DYM: variants seen among roughly 807,000 people sequenced by gnomAD.
DYM encodes dymeclin, also known as dyggve-Melchior-Clausen syndrome protein.
Under a neutral mutation model 93.1 loss-of-function variants are expected in DYM, and 78 were observed. That is an observed-to-expected ratio of 0.84 (90% CI 0.70 to 1.01). The LOEUF (loss-of-function observed/expected upper bound fraction) is 1.01, where lower values mean the gene tolerates loss of function less well. Among genes scored for constraint, DYM ranks in the 50% least tolerant of loss-of-function variants. DYM has a pLI of 0.00. For missense variants in DYM, 789 were observed against 845.0 expected, an observed-to-expected ratio of 0.93 and a Z score of 0.82; for synonymous variants, 321 against 319.7, an observed-to-expected ratio of 1.00 and a Z score of -0.04.
chr18:49,169,539 A>C (rs942738385), intron 14 of DYM, among the ~76,000 whole-genome samples: 1 of 152,232 alleles, frequency 6.6e-6, no homozygotes, highest in Non-Finnish European at 1.5e-5. Context: ...CTATGAAAGC[A>C]GGACTACAAT....
intron 14 of DYM, among the ~76,000 whole-genome samples, chr18:49,173,426 G>T (rs2088998395): frequency 6.6e-6 from 1 of 152,010 alleles, no homozygotes; most frequent in South Asian, 2.1e-4. Flanking sequence ...AATCCATGAG[G>T]ATAAAATCAC....
At chr18:49,355,240 T>C (rs2065442937) in intron 6 of DYM, among the ~76,000 whole-genome samples, 1 of 151,994 alleles carries the variant, frequency 6.6e-6, no homozygotes, top group Admixed American at 6.6e-5. Flanking sequence ...TTGATAGATG[T>C]ATCTATCAAT....
chr18:49,049,532 C>T (rs980227517), intron 17 of DYM, among the ~76,000 whole-genome samples: 8 of 152,192 alleles, frequency 5.3e-5, no homozygotes, highest in Non-Finnish European at 8.8e-5. Context: ...AACCATCCTT[C>T]CTACTTCACA....
At chr18:49,085,642 C>CT (rs1220064106) in intron 17 of DYM, among the ~76,000 whole-genome samples, 1 of 122,748 alleles carries the variant, frequency 8.1e-6, no homozygotes, top group Non-Finnish European at 1.7e-5. Flanking sequence ...GAGTCTCACT[C>CT]TGTCACCCAG....
At chr18:49,427,053 A>T (rs1315205473) in intron 2 of DYM, among the ~76,000 whole-genome samples, 1 of 152,164 alleles carries the variant, frequency 6.6e-6, no homozygotes, top group Non-Finnish European at 1.5e-5. Flanking sequence ...CCATTTTGTA[A>T]CCTCTTATAA....
chr18:49,349,191 G>A (rs1056334959), intron 6 of DYM, among the ~76,000 whole-genome samples: 5 of 152,078 alleles, frequency 3.3e-5, no homozygotes, highest in Admixed American at 3.3e-4. Flanking sequence ...CTGGGTGACA[G>A]AGTGAGACTG....
intron 6 of DYM, among the ~76,000 whole-genome samples, chr18:49,342,703 C>A (rs1468275865): frequency 6.6e-6 from 1 of 152,114 alleles, no homozygotes; most frequent in Non-Finnish European, 1.5e-5. Context: ...TATTATAATG[C>A]CATATTTTAA....
intron 6 of DYM, among the ~76,000 whole-genome samples, chr18:49,360,259 C>CAAA (rs5824786): frequency 8.7e-5 from 10 of 115,350 alleles, no homozygotes; most frequent in Non-Finnish European, 8.9e-5. Context: ...TCAATAAAGG[C>CAAA]AAAAAAAAAA....
At chr18:49,111,835 T>G (rs1183288681) in intron 16 of DYM, among the ~76,000 whole-genome samples, 4 of 152,104 alleles carry the variant, frequency 2.6e-5, no homozygotes, top group Non-Finnish European at 5.9e-5. Context: ...TCCTAAGACC[T>G]CAGTCTTAAA....
intron 13 of DYM, among the ~76,000 whole-genome samples, chr18:49,226,177 A>T (rs1000601256): frequency 6.6e-6 from 1 of 152,190 alleles, no homozygotes; most frequent in Non-Finnish European, 1.5e-5. Context: ...TGCACCAGGT[A>T]TCTAAAATTC....
intron 2 of DYM, among the ~76,000 whole-genome samples, chr18:49,423,134 A>C (rs1385422798): frequency 6.6e-6 from 1 of 152,240 alleles, no homozygotes; most frequent in East Asian, 1.9e-4. Flanking sequence ...AATTGATCAC[A>C]TAGTTGGAAG....
intron 8 of DYM, among the ~76,000 whole-genome samples, chr18:49,293,766 G>T (rs950306904): frequency 7.9e-5 from 12 of 152,082 alleles, no homozygotes; most frequent in African/African-American, 2.9e-4. Flanking sequence ...TCTGTAGGTT[G>T]CCTGTTCACT....
chr18:49,056,402 A>G (rs2075485166), intron 17 of DYM, among the ~76,000 whole-genome samples: 1 of 152,252 alleles, frequency 6.6e-6, no homozygotes, highest in Non-Finnish European at 1.5e-5. Flanking sequence ...CTCTCAGGCT[A>G]CATGCCACTG....
intron 5 of DYM, among the ~76,000 whole-genome samples, chr18:49,378,019 G>A (rs1000119186): frequency 2.0e-5 from 3 of 152,198 alleles, no homozygotes; most frequent in African/African-American, 7.2e-5. Context: ...GAAAGATTGT[G>A]TGAAGGGTAA....
In DYM at chr18:49,103,795, T is replaced by C. The variant is rs1157962930; in HGVS notation, c.1912-6280A>G. On this transcript the variant is annotated intron_variant, in intron 16 of 17. Coordinates refer to ENST00000675505, the MANE Select transcript of DYM (RefSeq NM_001353214.3). ...TGTCTCTGTTTTGGTACCAGTACCA[T>C]GCTGTTTTGGTTACTGTAGCCTTGT... 2.6e-5 allele frequency among the ~76,000 whole-genome samples: 4 copies of C among 152,288 alleles called. No homozygotes were observed. In the East Asian group the frequency reaches 7.7e-4, roughly 29 times the overall value.
chr18:49,236,209 A>G (rs1568074386), intron 13 of DYM, among the ~76,000 whole-genome samples: 1 of 152,218 alleles, frequency 6.6e-6, no homozygotes, highest in Non-Finnish European at 1.5e-5. Context: ...GGCCAGGCAC[A>G]GTGGCTCACA....
At chr18:49,215,240 A>T (rs144973499) in intron 13 of DYM, among the ~76,000 whole-genome samples, 39 of 152,224 alleles carry the variant, frequency 2.6e-4, no homozygotes, top group Non-Finnish European at 5.3e-4. Flanking sequence ...TTCTTCTCTG[A>T]TTGATATTAA....
chr18:49,114,985 TACAA>T (rs2081792681), intron 16 of DYM, among the ~76,000 whole-genome samples: 1 of 152,242 alleles, frequency 6.6e-6, no homozygotes, highest in South Asian at 2.1e-4. Flanking sequence ...GCAGAATTAT[TACAA>T]ACAAAGGCCT....
At chr18:49,399,640 A>G (rs573577149) in intron 2 of DYM, among the ~76,000 whole-genome samples, 1 of 152,104 alleles carries the variant, frequency 6.6e-6, no homozygotes, top group African/African-American at 2.4e-5. Context: ...CCACCCCAAC[A>G]CCCAACAGCT....
Sources: allele counts gnomAD v4.1 joint callset (sites outside exome capture counted in the v4.1 genomes callset), GRCh38; gene constraint gnomAD v4.1.1; transcripts MANE v1.5; gene names NCBI Gene and HGNC (gene_info 2026-07-23, HGNC 2026-07-21).